Variants in HS3ST5 observed in about 807,000 individuals in gnomAD.
HS3ST5 encodes the protein heparan sulfate glucosamine 3-O-sulfotransferase 5.
Under a neutral mutation model 25.4 loss-of-function variants are expected in HS3ST5, and 10 were observed. That is an observed-to-expected ratio of 0.39 (90% CI 0.24 to 0.67). The LOEUF (loss-of-function observed/expected upper bound fraction) is 0.67. HS3ST5 is among the 30% of genes least tolerant of loss of function. The pLI is 0.44. For missense variants in HS3ST5, 324 were observed against 420.7 expected (o/e 0.77, Z 2.01); for synonymous variants, 170 against 162.4 (o/e 1.05, Z -0.36).
intron 1 of HS3ST5, among the ~76,000 whole-genome samples, chr6:114,265,330 G>T (rs1447247286): frequency 6.6e-6 from 1 of 152,276 alleles, no homozygotes; most frequent in East Asian, 1.9e-4. Flanking sequence ...CTGCTTGAAG[G>T]CTACTGGCAG....
chr6:114,165,483 TG>T (rs1378260140), intron 3 of HS3ST5, among the ~76,000 whole-genome samples: 1 of 152,216 alleles, frequency 6.6e-6, no homozygotes, highest in African/African-American at 2.4e-5. Flanking sequence ...TTGGTTTCAA[TG>T]TTTATATTTA....
chr6:114,213,114 ATGGATTGGGAATGTGGCCTTCCCC>A (rs952479331), intron 2 of HS3ST5, among the ~76,000 whole-genome samples: 1 of 151,782 alleles, frequency 6.6e-6, no homozygotes, highest in African/African-American at 2.4e-5. Flanking sequence ...TAGAAAGGGG[ATGGATTGGGAATGTGGCCTTCCCC>A]TGGAGTTCGG....
intron 3 of HS3ST5, among the ~76,000 whole-genome samples, chr6:114,125,225 G>A (rs976334571): frequency 1.3e-5 from 2 of 152,056 alleles, no homozygotes; most frequent in East Asian, 3.9e-4. Flanking sequence ...CATATCAAGA[G>A]CAATCTAACA....
chr6:114,124,878 C>T (rs181088910), intron 3 of HS3ST5, among the ~76,000 whole-genome samples: 32 of 152,232 alleles, frequency 2.1e-4, no homozygotes, highest in African/African-American at 7.7e-4. Flanking sequence ...AGAAAATATT[C>T]TATAAAATGA....
chr6:114,110,411 T>C (rs1347273450), intron 3 of HS3ST5, among the ~76,000 whole-genome samples: 2 of 151,972 alleles, frequency 1.3e-5, no homozygotes, highest in African/African-American at 4.8e-5. Flanking sequence ...CAATGAAACA[T>C]GCTTTTGAGC....
At chr6:114,145,383 A>G (rs1778107721) in intron 3 of HS3ST5, among the ~76,000 whole-genome samples, 1 of 152,170 alleles carries the variant, frequency 6.6e-6, no homozygotes, top group Non-Finnish European at 1.5e-5. Flanking sequence ...CATCTCAGGT[A>G]TTATTTGCAG....
chr6:114,132,380 T>C lies in HS3ST5; in HGVS notation c.-33+35971A>G, dbSNP rs1387947797. 2.0e-5 allele frequency: 3 copies of C among 152,234 alleles called. No individual in the cohort carries two copies. The East Asian group carries it at 5.8e-4, about 29-fold the overall frequency. The allele number at this position is 152,234 out of a possible 1,614,324, so 9.4% of individuals were successfully genotyped here. On this transcript the variant is annotated intron_variant, in intron 3 of 4. Transcript: ENST00000312719. The stretch of plus-strand genomic sequence containing the variant: ...GCATAATTTCCTATAAAGTTTGTCA[T>C]GTCTTATCACGCCATATAAATGTTG...
intron 1 of HS3ST5, among the ~76,000 whole-genome samples, chr6:114,232,346 A>G (rs894758589): frequency 1.3e-5 from 2 of 151,884 alleles, no homozygotes; most frequent in African/African-American, 2.4e-5. Flanking sequence ...CCTTATTTCC[A>G]TATTTATTTA....
chr6:114,205,817 G>T (rs181818574), intron 2 of HS3ST5, among the ~76,000 whole-genome samples: 1 of 152,068 alleles, frequency 6.6e-6, no homozygotes, highest in Non-Finnish European at 1.5e-5. Flanking sequence ...TCCCTCACAC[G>T]TGCAGTTCAC....
chr6:114,165,023 G>A (rs1413321723), intron 3 of HS3ST5, among the ~76,000 whole-genome samples: 1 of 152,102 alleles, frequency 6.6e-6, no homozygotes, highest in African/African-American at 2.4e-5. Context: ...AAGAAGCACT[G>A]GGCTGTATCC....
intron 3 of HS3ST5, among the ~76,000 whole-genome samples, chr6:114,067,570 A>T (rs1293955454): frequency 6.6e-6 from 1 of 152,162 alleles, no homozygotes; most frequent in Non-Finnish European, 1.5e-5. Context: ...CCCTGGGATT[A>T]GATACTACTG....
chr6:114,237,409 G>A (rs1017174279), intron 1 of HS3ST5, among the ~76,000 whole-genome samples: 9 of 151,774 alleles, frequency 5.9e-5, no homozygotes, highest in African/African-American at 1.7e-4. Flanking sequence ...TATGGCCTGA[G>A]ATAAGTTATT....
intron 1 of HS3ST5, among the ~76,000 whole-genome samples, chr6:114,311,539 CTTTTTTTT>C (rs11463610): frequency 1.2e-5 from 1 of 84,880 alleles, no homozygotes; most frequent in Non-Finnish European, 2.1e-5. Flanking sequence ...TTCTCTCTCT[CTTTTTTTT>C]TTTTTTTTTT....
intron 2 of HS3ST5, among the ~76,000 whole-genome samples, chr6:114,227,978 A>C (rs1481139504): frequency 6.6e-6 from 1 of 152,128 alleles, no homozygotes; most frequent in Non-Finnish European, 1.5e-5. Flanking sequence ...AAAAGGGAGC[A>C]TCAATTTAGC....
At chr6:114,315,002 T>C (rs909826152) in intron 1 of HS3ST5, among the ~76,000 whole-genome samples, 3 of 152,166 alleles carry the variant, frequency 2.0e-5, no homozygotes, top group Admixed American at 6.5e-5. Flanking sequence ...AAAATTAACA[T>C]AGTCTTAATT....
At chr6:114,163,032 A>G (rs1298899647) in intron 3 of HS3ST5, among the ~76,000 whole-genome samples, 13 of 152,316 alleles carry the variant, frequency 8.5e-5, no homozygotes, top group Admixed American at 4.6e-4. Flanking sequence ...TTGGCCATCA[A>G]TGGACACTTG....
At chr6:114,340,221 G>A (rs1776770620) in intron 1 of HS3ST5, among the ~76,000 whole-genome samples, 1 of 152,118 alleles carries the variant, frequency 6.6e-6, no homozygotes, top group Non-Finnish European at 1.5e-5. Flanking sequence ...TTAAGCATGA[G>A]CTCTGGCTCA....
intron 3 of HS3ST5, among the ~76,000 whole-genome samples, chr6:114,109,009 A>G (rs1345377728): frequency 2.0e-5 from 3 of 152,078 alleles, no homozygotes; most frequent in Non-Finnish European, 2.9e-5. Flanking sequence ...CCAAAAATAC[A>G]AAAGTTAGCC....
intron 1 of HS3ST5, among the ~76,000 whole-genome samples, chr6:114,325,521 C>T (rs1039197286): frequency 6.6e-6 from 1 of 152,122 alleles, no homozygotes; most frequent in African/African-American, 2.4e-5. Flanking sequence ...GTGAAACATA[C>T]ATAGAGATGA....
Sources: gnomAD v4.1 joint callset for allele counts (sites outside exome capture counted in the v4.1 genomes callset) on GRCh38, gnomAD v4.1.1 for gene constraint, MANE v1.5 for transcripts, NCBI Gene and HGNC (gene_info 2026-07-23, HGNC 2026-07-21) for gene names.